RO60: variants seen among roughly 807,000 people sequenced by gnomAD.
The protein encoded by RO60 is Ro60, Y RNA binding protein.
A neutral mutation model predicts 55.3 loss-of-function variants in RO60; 20 were observed. The observed-to-expected ratio is 0.36, with a 90% confidence interval of 0.25 to 0.53. The LOEUF is 0.53. Ranked by LOEUF, RO60 falls within the 20% of genes least tolerant of loss-of-function variation. RO60 has a pLI of 0.92. For synonymous variants in RO60, 213 were observed against 213.6 expected, an observed-to-expected ratio of 1.00 and a Z score of 0.02; for missense variants, 558 against 646.6, an observed-to-expected ratio of 0.86 and a Z score of 1.49.
intron 1 of RO60, among the ~76,000 whole-genome samples, chr1:193,067,257 C>T (rs1221485471): frequency 2.1e-5 from 3 of 145,994 alleles, no homozygotes; most frequent in Non-Finnish European, 4.5e-5. Flanking sequence ...AGGATCTTGG[C>T]TCACTGCAAG....
chr1:193,086,164 TG>T lies in RO60; in HGVS notation c.*1438del, dbSNP rs1558257367. The stretch of plus-strand genomic sequence containing the variant: ...TGTAAATTATAGCCTTTTAGGTGCT[TG>T]GGGGTTAGAGGGTTTATGTTTTTTG... On this transcript the variant is annotated 3_prime_UTR_variant, in exon 9 of 9. Transcript: ENST00000400968. 1 of 452,416 alleles carries T rather than the reference TG, an allele frequency of 2.2e-6. No individual in the cohort carries two copies. Among genetic ancestry groups the T allele is most frequent in the African/African-American group, 2.1e-5 (1 of 46,610 alleles). The allele number at this position is 452,416 out of a possible 1,614,324, so 28.0% of individuals were successfully genotyped here.
rs1352627016 is a variant in RO60, at chr1:193,081,471, A to C, written c.1194A>C (p.Ala398=). 5 of 1,602,924 alleles carry C rather than the reference A, an allele frequency of 3.1e-6. No homozygotes were observed. The highest frequency in any genetic ancestry group is 4.3e-6 in the Non-Finnish European group (5 of 1,172,082). Residue 398 remains alanine (A), a synonymous_variant, in exon 6 of 9, where the codon GCA becomes GCC. Transcript: ENST00000400968. ...SILNASTVAA[A]MCMVVTRTEK... ...TCAACGCTAGTACAGTTGCTGCAGC[A>C]ATGTGCATGGTGAGAACACCTAAGA...
At chr1:193,078,765 G>C (rs1392428712) in intron 5 of RO60, among the ~76,000 whole-genome samples, 1 of 152,142 alleles carries the variant, frequency 6.6e-6, no homozygotes, top group Non-Finnish European at 1.5e-5. Flanking sequence ...CAGATTGGAA[G>C]ACTTAATATT....
At chr1:193,077,714 A>G (rs1482463017) in intron 5 of RO60, among the ~76,000 whole-genome samples, 1 of 152,186 alleles carries the variant, frequency 6.6e-6, no homozygotes, top group African/African-American at 2.4e-5. Context: ...ATCTTGGCAG[A>G]AGGGGGAATA....
At chr1:193,064,964 C>G (rs1673012728) in intron 1 of RO60, among the ~76,000 whole-genome samples, 1 of 152,132 alleles carries the variant, frequency 6.6e-6, no homozygotes, top group Non-Finnish European at 1.5e-5. Context: ...CATTTTTACT[C>G]AGTATTCATT....
chr1:193,082,393 G>C (rs1674374122), intron 7 of RO60, 94 bp downstream of exon 7: 1 of 1,350,076 alleles, frequency 7.4e-7, no homozygotes, highest in South Asian at 1.3e-5. Flanking sequence ...TAATCTGTGA[G>C]AACAAAATTT....
chr1:193,090,287 A>C lies in RO60; in HGVS notation c.*5556A>C, dbSNP rs1674806271. The C allele has an allele frequency of 6.6e-6, 1 of 152,104 alleles. No homozygotes were observed. The highest frequency in any genetic ancestry group is 1.5e-5 in the Non-Finnish European group (1 of 68,024). 9.4% of individuals were successfully genotyped at this position (152,104 alleles called of 1,614,324 possible). A position where few individuals can be genotyped will look rare whatever the true frequency, so the allele number is the denominator to read the frequency against. On this transcript the variant is annotated 3_prime_UTR_variant, in exon 9 of 9. Transcript: ENST00000400968. ...GTTTTAAATATCATTACCAGATATA[A>C]TTGAGGGAATATTATATCAACAAAC... is the stretch of plus-strand genomic sequence containing the variant.
At chr1:193,068,682 C>T (rs1368664961) in intron 1 of RO60, among the ~76,000 whole-genome samples, 1 of 152,140 alleles carries the variant, frequency 6.6e-6, no homozygotes. Flanking sequence ...GCCTTAGTTG[C>T]TTCTGATTAT....
At chr1:193,064,687 C>A (rs1029148180) in intron 1 of RO60, among the ~76,000 whole-genome samples, 1 of 152,178 alleles carries the variant, frequency 6.6e-6, no homozygotes, top group Admixed American at 6.5e-5. Flanking sequence ...GTCACAGAAG[C>A]ATAGGAAAAC....
At position 193,069,503 on chromosome 1, in the gene RO60, A is replaced by G. The variant is rs1362219817; in HGVS notation, c.449A>G (p.Lys150Arg). The change falls in exon 2 of 9, where the codon AAG (lysine) becomes AGG (arginine). Residue 150 changes from lysine (K) to arginine (R), a missense_variant. Coordinates refer to ENST00000400968, the MANE Select transcript of RO60 (RefSeq NM_001173524.2). ...GGCATGTGGGGTCGTGCCCTCCGGA[A>G]GGCTATAGCGGACTGGTACAATGAG... The part of the protein sequence containing the change: ...KCGMWGRALR[K>R]AIADWYNEKG... The G allele has an allele frequency of 1.2e-6, 2 of 1,614,198 alleles. No individual in the cohort carries two copies. Among genetic ancestry groups the G allele is most frequent in the Non-Finnish European group, 8.5e-7 (1 of 1,180,032 alleles).
chr1:193,079,105 T>TTTC (rs35398319), intron 5 of RO60, among the ~76,000 whole-genome samples: 1 of 148,536 alleles, frequency 6.7e-6, no homozygotes, highest in Non-Finnish European at 1.5e-5. Flanking sequence ...TTTTTTTTTT[T>TTTC]GAGACAGAGT....
At chr1:193,070,210 A>G (rs1423068821) in intron 2 of RO60, among the ~76,000 whole-genome samples, 3 of 151,314 alleles carry the variant, frequency 2.0e-5, no homozygotes, top group African/African-American at 7.3e-5. Context: ...GCAGATGGCC[A>G]TGCTGTACCC....
At chr1:193,069,960 C>G (rs1185904776) in intron 2 of RO60, among the ~76,000 whole-genome samples, 3 of 152,126 alleles carry the variant, frequency 2.0e-5, no homozygotes, top group African/African-American at 7.2e-5. Context: ...TTGCAATAAG[C>G]CTTGGATATG....
intron 8 of RO60, among the ~76,000 whole-genome samples, chr1:193,083,172 TA>T (rs1456022812): frequency 2.6e-5 from 4 of 152,208 alleles, no homozygotes; most frequent in Non-Finnish European, 5.9e-5. Flanking sequence ...AAGTATTGAT[TA>T]CACACATAAA....
chr1:193,076,836 C>A (rs1673956115), intron 4 of RO60, 77 bp from the exon 5 acceptor site: 2 of 1,451,382 alleles, frequency 1.4e-6, no homozygotes, highest in South Asian at 1.3e-5. Context: ...TAGTTATTAG[C>A]TACAATAACA....
intron 5 of RO60, among the ~76,000 whole-genome samples, chr1:193,077,812 A>C (rs1031571988): frequency 5.3e-5 from 8 of 152,236 alleles, no homozygotes; most frequent in African/African-American, 1.4e-4. Flanking sequence ...AGTGAACATA[A>C]GATTGGTGTG....
At chr1:193,073,911 T>C (rs1433701732) in intron 2 of RO60, among the ~76,000 whole-genome samples, 4 of 93,512 alleles carry the variant, frequency 4.3e-5, no homozygotes, top group East Asian at 3.7e-4. Context: ...CAACAGGCCC[T>C]GGTGTGTGAT....
chr1:193,063,537 T>C (rs1672921473), intron 1 of RO60, among the ~76,000 whole-genome samples: 1 of 152,362 alleles, frequency 6.6e-6, no homozygotes, highest in South Asian at 2.1e-4. Context: ...ATGGTGTCCT[T>C]GGAAATACAA....
In RO60 at chr1:193,084,890, A is replaced by C. The variant is rs1674552912; in HGVS notation, c.*159A>C. 4.7e-6 allele frequency: 7 copies of C among 1,475,240 alleles called. No individual in the cohort carries two copies. The highest frequency in any genetic ancestry group is 4.3e-5 in the African/African-American group (3 of 70,014). The allele number at this position is 1,475,240 out of a possible 1,614,324, so 91.4% of individuals were successfully genotyped here. ...TGAAAAAAAAAAAAGAAGGAAAAAT[A>C]AGATGGGCCCAAAGGTCTATCTACT... On this transcript the variant is annotated 3_prime_UTR_variant, in exon 9 of 9. Transcript: ENST00000400968.
Sources: gnomAD v4.1 joint callset for allele counts (sites outside exome capture counted in the v4.1 genomes callset) on GRCh38, gnomAD v4.1.1 for gene constraint, MANE v1.5 for transcripts, NCBI Gene and HGNC (gene_info 2026-07-23, HGNC 2026-07-21) for gene names.